The following B3GALT1 variants were observed in gnomAD, a reference collection of about 807,000 sequenced individuals.
B3GALT1 encodes beta-1,3-galactosyltransferase 1.
In B3GALT1, 10 loss-of-function variants were observed where a neutral mutation model predicts 23.2. The observed-to-expected ratio is 0.43, with a 90% CI of 0.27 to 0.73. The LOEUF is 0.73. Ranked by LOEUF, B3GALT1 falls within the 30% of genes least tolerant of loss-of-function variation. B3GALT1 has a pLI of 0.21. For missense variants in B3GALT1, 299 were observed against 405.4 expected (o/e 0.74, Z 2.25); for synonymous variants, 156 against 141.5 (o/e 1.10, Z -0.73).
chr2:167,584,608 T>G (rs1684554324), intron 2 of B3GALT1, among the ~76,000 whole-genome samples: 1 of 152,180 alleles, frequency 6.6e-6, no homozygotes, highest in African/African-American at 2.4e-5. Flanking sequence ...CCACCACTTC[T>G]GATGCTAATC....
chr2:167,483,811 A>G (rs1217339440), intron 1 of B3GALT1, among the ~76,000 whole-genome samples: 4 of 152,340 alleles, frequency 2.6e-5, no homozygotes, highest in Admixed American at 6.5e-5. Context: ...TGCTTTTCCA[A>G]TGAAGATACC....
intron 2 of B3GALT1, among the ~76,000 whole-genome samples, chr2:167,575,616 C>G (rs1005515044): frequency 6.6e-6 from 1 of 151,816 alleles, no homozygotes; most frequent in Admixed American, 6.6e-5. Flanking sequence ...ACATCTCTAT[C>G]TTGTGTCTGA....
chr2:167,599,189 A>G (rs1432796333), intron 2 of B3GALT1, among the ~76,000 whole-genome samples: 1 of 152,232 alleles, frequency 6.6e-6, no homozygotes, highest in African/African-American at 2.4e-5. Flanking sequence ...GCTGTTAGCT[A>G]CAAAATACGC....
At position 167,468,211 on chromosome 2, in the gene B3GALT1, A is replaced by C. The variant is rs765335064; in HGVS notation, c.-510-21966A>C. On this transcript the variant is annotated intron_variant, in intron 1 of 4. Coordinates refer to ENST00000392690, the MANE Select transcript of B3GALT1 (RefSeq NM_020981.4). Reference sequence around the variant, plus strand: ...GATCTTATGACTCAGGTCTATGATAAACAATTTTTCAAAGTAAATTACTTT... The same window carrying C: ...GATCTTATGACTCAGGTCTATGATACACAATTTTTCAAAGTAAATTACTTT... Among the ~76,000 whole-genome samples, 14 of 152,312 alleles carry C rather than the reference A, an allele frequency of 9.2e-5. 1 individual carries two copies. In the South Asian group the frequency reaches 2.3e-3, roughly 25 times the overall value.
chr2:167,490,686 G>A (rs905969856), intron 2 of B3GALT1, among the ~76,000 whole-genome samples: 8 of 152,088 alleles, frequency 5.3e-5, no homozygotes, highest in Non-Finnish European at 1.0e-4. Flanking sequence ...TGAAGCCTTG[G>A]CATCTTATTA....
At chr2:167,751,626 C>T (rs1320661472) in intron 3 of B3GALT1, among the ~76,000 whole-genome samples, 1 of 152,182 alleles carries the variant, frequency 6.6e-6, no homozygotes, top group Non-Finnish European at 1.5e-5. Flanking sequence ...GGCTGCCCAC[C>T]AGGCACCACT....
At chr2:167,795,522 C>T (rs1397617193) in intron 3 of B3GALT1, among the ~76,000 whole-genome samples, 1 of 152,156 alleles carries the variant, frequency 6.6e-6, no homozygotes, top group Non-Finnish European at 1.5e-5. Context: ...ATAACTCCCT[C>T]CCCAAACCAT....
At chr2:167,867,825 C>T (rs1005692131) in intron 4 of B3GALT1, among the ~76,000 whole-genome samples, 12 of 152,162 alleles carry the variant, frequency 7.9e-5, no homozygotes, top group African/African-American at 1.7e-4. Flanking sequence ...GGAACTGGCG[C>T]GAAGTTTTAA....
intron 2 of B3GALT1, among the ~76,000 whole-genome samples, chr2:167,536,877 A>G (rs1325450145): frequency 6.6e-6 from 1 of 152,066 alleles, no homozygotes; most frequent in Non-Finnish European, 1.5e-5. Flanking sequence ...AAGAAAATTA[A>G]AATTGTAGCT....
At chr2:167,525,837 C>T (rs1683210994) in intron 2 of B3GALT1, among the ~76,000 whole-genome samples, 1 of 151,176 alleles carries the variant, frequency 6.6e-6, no homozygotes, top group Non-Finnish European at 1.5e-5. Context: ...AGGTCTCAAA[C>T]TCCTCAGCTT....
intron 2 of B3GALT1, among the ~76,000 whole-genome samples, chr2:167,570,094 T>C (rs1341570608): frequency 1.3e-5 from 2 of 151,928 alleles, no homozygotes; most frequent in Non-Finnish European, 2.9e-5. Context: ...AATTTTTGCT[T>C]CTATTTTTAT....
chr2:167,379,755 G>T (rs549357986), intron 1 of B3GALT1, among the ~76,000 whole-genome samples: 2 of 152,344 alleles, frequency 1.3e-5, no homozygotes, highest in South Asian at 4.1e-4. Context: ...ATACTGGGCA[G>T]GTCCACCTAT....
intron 3 of B3GALT1, chr2:167,715,132 T>C (rs1218183495): frequency 6.2e-7 from 1 of 1,613,794 alleles, no homozygotes; most frequent in Admixed American, 1.7e-5. Flanking sequence ...TCTTCAAAGC[T>C]CCTTTGGGAG....
intron 2 of B3GALT1, among the ~76,000 whole-genome samples, chr2:167,530,043 G>C (rs1683297915): frequency 6.6e-6 from 1 of 152,058 alleles, no homozygotes; most frequent in African/African-American, 2.4e-5. Flanking sequence ...TTACTTCTCT[G>C]AGCTCACTTC....
intron 1 of B3GALT1, among the ~76,000 whole-genome samples, chr2:167,327,309 TAG>T (rs1251871559): frequency 1.3e-5 from 2 of 152,102 alleles, no homozygotes; most frequent in African/African-American, 4.8e-5. Flanking sequence ...GGTATTTTGA[TAG>T]AGATTGCATT....
At chr2:167,633,718 C>A (rs1224836559) in intron 2 of B3GALT1, among the ~76,000 whole-genome samples, 2 of 152,040 alleles carry the variant, frequency 1.3e-5, no homozygotes, top group African/African-American at 4.8e-5. Context: ...GAGACTTAGA[C>A]TCCCACACAA....
chr2:167,767,114 G>C (rs1687991240), intron 3 of B3GALT1, among the ~76,000 whole-genome samples: 1 of 152,056 alleles, frequency 6.6e-6, no homozygotes. Flanking sequence ...AGTTGATCTG[G>C]GTACAACAGT....
chr2:167,548,685 A>AGTGTGCGTGT (rs1683687084), intron 2 of B3GALT1, among the ~76,000 whole-genome samples: 1 of 144,706 alleles, frequency 6.9e-6, no homozygotes, highest in African/African-American at 2.5e-5. Flanking sequence ...CGTGTGTGTG[A>AGTGTGCGTGT]GTGTGTGTGT....
intron 2 of B3GALT1, among the ~76,000 whole-genome samples, chr2:167,496,124 CATTTGCCTAA>C (rs1699779933): frequency 6.6e-6 from 1 of 152,060 alleles, no homozygotes; most frequent in Admixed American, 6.6e-5. Context: ...TCTTCCAGTT[CATTTGCCTAA>C]ACTGACAGTA....
Sources: allele counts gnomAD v4.1 joint callset (sites outside exome capture counted in the v4.1 genomes callset), GRCh38; gene constraint gnomAD v4.1.1; transcripts MANE v1.5; gene names NCBI Gene and HGNC (gene_info 2026-07-23, HGNC 2026-07-21).